The following NLRP5 variants were observed in gnomAD, a reference collection of about 807,000 sequenced individuals.
NLRP5 encodes NACHT, LRR and PYD domains-containing protein 5.
A neutral mutation model predicts 113.1 loss-of-function variants in NLRP5; 93 were observed. That is an observed-to-expected ratio of 0.82 (90% confidence interval 0.70 to 0.98). The LOEUF (loss-of-function observed/expected upper bound fraction) is 0.98, where lower values mean the gene tolerates loss of function less well. NLRP5 is among the 50% of genes least tolerant of loss of function. The pLI is 0.00. For synonymous variants in NLRP5, 751 were observed against 600.7 expected, an observed-to-expected ratio of 1.25 and a Z score of -3.66; for missense variants, 1,808 against 1,514.3, an observed-to-expected ratio of 1.19 and a Z score of -3.22.
At position 56,008,799 on chromosome 19, in the gene NLRP5, G is replaced by A; in HGVS notation, c.454G>A (p.Glu152Lys). The A allele has an allele frequency of 6.2e-7, 1 of 1,610,774 alleles. No individual in the cohort carries two copies. ...TCTTTGTCTTCCAGGACATTCACCA[G>A]AAGATCCTGAAGCAACGATGACTGA... Residue 152 changes from glutamate (E) to lysine (K), a missense_variant, in exon 3 of 15, where the codon GAA becomes AAA. Coordinates refer to ENST00000390649, the MANE Select transcript of NLRP5 (RefSeq NM_153447.4).
At chr19:56,009,595 G>A (rs1002841692) in intron 3 of NLRP5, among the ~76,000 whole-genome samples, 2 of 152,058 alleles carry the variant, frequency 1.3e-5, no homozygotes, top group African/African-American at 2.4e-5. Context: ...CAAAGCATAC[G>A]TGTTCATGAA....
At chr19:56,030,764 G>A (rs1369197528) in intron 7 of NLRP5, among the ~76,000 whole-genome samples, 1 of 114,458 alleles carries the variant, frequency 8.7e-6, no homozygotes, top group Admixed American at 1.3e-4. Context: ...ACCCAGGCTG[G>A]AGTGCAGTGG....
chr19:55,992,836 CTG>C, the NLRP5 span, among the ~76,000 whole-genome samples: 6,808 of 144,492 alleles, frequency 0.047, 288 homozygotes, highest in Non-Finnish European at 0.058. Flanking sequence ...TGACACATAA[CTG>C]TACATATTTA....
At chr19:55,989,414 G>A in the NLRP5 span, among the ~76,000 whole-genome samples, 7 of 152,140 alleles carry the variant, frequency 4.6e-5, 1 homozygote, top group African/African-American at 1.2e-4. Context: ...CACCACGCCC[G>A]GCTAATTTTC....
chr19:56,005,148 T>C (rs147188050), intron 2 of NLRP5, among the ~76,000 whole-genome samples: 3,898 of 143,298 alleles, frequency 0.027, 86 homozygotes, highest in Non-Finnish European at 0.035. Flanking sequence ...CACACATATA[T>C]ACACACACAT....
At position 56,028,015 on chromosome 19, in the gene NLRP5, G is replaced by A. The variant is rs761615316; in HGVS notation, c.1782G>A (p.Leu594=). ...GTCTCCAGGACTTCTGTGCCGCCTT[G>A]TACTACGTGTTAGAGGGCCTGGAAA... is the stretch of plus-strand genomic sequence containing the variant. The change falls in exon 7 of 15, where the codon TTG becomes TTA. Residue 594 remains leucine (L), a synonymous_variant. Coordinates refer to ENST00000390649, the MANE Select transcript of NLRP5 (RefSeq NM_153447.4). 2.5e-6 allele frequency: 4 copies of A among 1,614,012 alleles called. No individual in the cohort carries two copies. The highest frequency in any genetic ancestry group is 3.4e-6 in the Non-Finnish European group (4 of 1,179,898).
In NLRP5 at chr19:56,027,424, G is replaced by A. The variant is rs2123304589; in HGVS notation, c.1191G>A (p.Lys397=). The A allele has an allele frequency of 6.2e-7, 1 of 1,613,582 alleles. No individual in the cohort carries two copies. The highest frequency in any genetic ancestry group is 8.5e-7 in the Non-Finnish European group (1 of 1,179,722). The change falls in exon 7 of 15, where the codon AAG becomes AAA. Residue 397 remains lysine (K), a synonymous_variant. Transcript: ENST00000390649. ...CCCTCATACGCAGTCTGCTGAGGAA[G>A]GTCCTGCTCCCTGAGTCCTTCCTGA...
At chr19:56,060,900 C>T (rs1420655726) in intron 14 of NLRP5, among the ~76,000 whole-genome samples, 1 of 152,116 alleles carries the variant, frequency 6.6e-6, no homozygotes, top group African/African-American at 2.4e-5. Flanking sequence ...TCAAATCTGT[C>T]TCCCCATGCT....
intron 3 of NLRP5, among the ~76,000 whole-genome samples, chr19:56,009,058 G>A (rs1273724975): frequency 1.3e-5 from 2 of 152,074 alleles, no homozygotes; most frequent in African/African-American, 4.8e-5. Flanking sequence ...GTGGCCTGGG[G>A]CCAGGTCTAG....
intron 11 of NLRP5, 61 bp downstream of exon 11, chr19:56,041,153 T>C (rs1225335600): frequency 7.1e-6 from 11 of 1,550,594 alleles, no homozygotes; most frequent in Non-Finnish European, 9.7e-6. Context: ...ATGGTGTAGC[T>C]CTCAAAGCAG....
At position 56,008,837 on chromosome 19, in the gene NLRP5, C is replaced by A; in HGVS notation, c.492C>A (p.Ser164Arg). ...CAACGATGACTGACCAAGGACCAAG[C>A]AAGGAAAAAGTGCCAGGTTAGAGGG... Residue 164 changes from serine (S) to arginine (R), a missense_variant, in exon 3 of 15, where the codon AGC becomes AGA. By Grantham distance (110) the Ser-to-Arg change is moderately radical. Transcript: ENST00000390649. The A allele has an allele frequency of 6.2e-7, 1 of 1,612,482 alleles. No homozygotes were observed. The highest frequency in any genetic ancestry group is 8.5e-7 in the Non-Finnish European group (1 of 1,179,334).
chr19:56,043,067 A>G (rs1983579951), intron 11 of NLRP5, among the ~76,000 whole-genome samples: 1 of 152,106 alleles, frequency 6.6e-6, no homozygotes. Context: ...CTATAAATAT[A>G]TGGGTACAAG....
rs116910364 is a variant in NLRP5, at chr19:56,056,645, C to T, written c.3300-1595C>T. Among the ~76,000 whole-genome samples, 892 of 152,282 alleles carry T rather than the reference C, an allele frequency of 5.9e-3. 5 individuals carry two copies. Among genetic ancestry groups the T allele is most frequent in the Non-Finnish European group, 8.0e-3 (541 of 68,014 alleles). On this transcript the variant is annotated intron_variant, in intron 13 of 14. Coordinates refer to ENST00000390649, the MANE Select transcript of NLRP5 (RefSeq NM_153447.4). ...CCACGATGGGAATCCCACAATCATC[C>T]GTGTGCAGCACCTTATACCATCACT... is the stretch of plus-strand genomic sequence containing the variant.
chr19:56,036,062 T>TC (rs1310573449), intron 9 of NLRP5, among the ~76,000 whole-genome samples: 1 of 136,078 alleles, frequency 7.3e-6, no homozygotes, highest in Non-Finnish European at 1.6e-5. Flanking sequence ...GAGATTCTTT[T>TC]TTTTTTTTTT....
chr19:56,006,427 TA>T (rs148833780), intron 2 of NLRP5, among the ~76,000 whole-genome samples: 36,119 of 151,392 alleles, frequency 0.24, 4,780 homozygotes, highest in African/African-American at 0.34. Flanking sequence ...AGTATAATTT[TA>T]AAAAAAAAAT....
intron 6 of NLRP5, among the ~76,000 whole-genome samples, chr19:56,024,584 TACAC>T (rs369128981): frequency 3.1e-4 from 45 of 147,314 alleles, no homozygotes; most frequent in South Asian, 2.3e-3. Flanking sequence ...TATATATACA[TACAC>T]ACACACACAC....
chr19:56,044,310 T>TCC (rs1285912669), intron 11 of NLRP5, among the ~76,000 whole-genome samples: 1 of 152,126 alleles, frequency 6.6e-6, no homozygotes, highest in Non-Finnish European at 1.5e-5. Context: ...CACCTCAGCC[T>TCC]CCCAAAGTGC....
In NLRP5 at chr19:56,028,399, A is replaced by G. The variant is rs1470728555; in HGVS notation, c.2166A>G (p.Ala722=). Reference sequence around the variant, plus strand: ...TTAACCAGAACCTGGACTTGATAGCATCTTCCTTCTGCCTCCAGCACTGTC... The same window carrying G: ...TTAACCAGAACCTGGACTTGATAGCGTCTTCCTTCTGCCTCCAGCACTGTC... The change falls in exon 7 of 15, where the codon GCA becomes GCG. Residue 722 remains alanine (A), a synonymous_variant. Coordinates refer to ENST00000390649, the MANE Select transcript of NLRP5 (RefSeq NM_153447.4). The G allele has an allele frequency of 6.2e-7, 1 of 1,613,892 alleles. No homozygotes were observed. The highest frequency in any genetic ancestry group is 1.3e-5 in the African/African-American group (1 of 74,948).
rs150678883 is a variant in NLRP5, at chr19:56,014,829, T to C, written c.509-913T>C. On this transcript the variant is annotated intron_variant, in intron 3 of 14. Transcript: ENST00000390649. ...CTTAACTACTATTGCTTTATAGTTT[T>C]GAACTCAAAGTGTGATTCTCCAACT... 4.5e-3 allele frequency among the ~76,000 whole-genome samples: 681 copies of C among 152,328 alleles called. 4 individuals carry two copies. Among genetic ancestry groups the C allele is most frequent in the African/African-American group, 0.016 (650 of 41,570 alleles).
Sources: gnomAD v4.1 joint callset for allele counts (sites outside exome capture counted in the v4.1 genomes callset) on GRCh38, gnomAD v4.1.1 for gene constraint, MANE v1.5 for transcripts, NCBI Gene and HGNC (gene_info 2026-07-23, HGNC 2026-07-21) for gene names.